LCK: variants seen among roughly 807,000 people sequenced by gnomAD.
LCK encodes the protein LCK proto-oncogene, Src family tyrosine kinase, also known as tyrosine-protein kinase Lck.
In LCK, 14 loss-of-function variants were observed where a neutral mutation model predicts 64.6. That is an observed-to-expected ratio of 0.22 (90% CI 0.14 to 0.34). LCK has a LOEUF of 0.34. Ranked by LOEUF, LCK falls within the 10% of genes least tolerant of loss-of-function variation. LCK has a pLI of 1.00. For missense variants in LCK, 434 were observed against 668.1 expected (o/e 0.65, Z 3.86); for synonymous variants, 277 against 263.6 (o/e 1.05, Z -0.49).
At chr1:32,269,221 G>A (rs1640012606) in intron 1 of LCK, 2 of 151,928 alleles carry the variant, frequency 1.3e-5, no homozygotes, top group African/African-American at 4.8e-5. Context: ...TGGATCACTT[G>A]AGGTCAGGAG....
rs1342297303 is a variant in LCK, at chr1:32,285,677, C to T, written c.1491C>T (p.Phe497=). 5 of 1,612,412 alleles carry T rather than the reference C, an allele frequency of 3.1e-6. No homozygotes were observed. The highest frequency in any genetic ancestry group is 3.4e-6 in the Non-Finnish European group (4 of 1,179,310). The change falls in exon 13 of 13, where the codon TTC becomes TTT. Residue 497 remains phenylalanine, a synonymous_variant. Coordinates refer to ENST00000336890, the MANE Select transcript of LCK (RefSeq NM_005356.5). ...FDYLRSVLED[F]FTATEGQYQP... ...ACCTGCGCAGTGTGCTGGAGGACTT[C>T]TTCACGGCCACAGAGGGCCAGTACC...
chr1:32,285,115 C>T (rs1640575666), intron 12 of LCK, among the ~76,000 whole-genome samples: 1 of 151,990 alleles, frequency 6.6e-6, no homozygotes. Flanking sequence ...CCAGCCTGAC[C>T]AACATGGAGA....
intron 1 of LCK, among the ~76,000 whole-genome samples, chr1:32,264,520 A>G (rs920485272): frequency 5.9e-5 from 9 of 151,864 alleles, no homozygotes; most frequent in Non-Finnish European, 1.2e-4. Context: ...TTTTGATATG[A>G]GTTTTGCATC....
chr1:32,275,052 G>A lies in LCK; in HGVS notation c.247G>A (p.Glu83Lys). Reference sequence around the variant, plus strand: ...CTCTCACGACGGAGATCTGGGCTTTGAGAAGGGGGAACAGCTCCGCATCCT... The same window carrying A: ...CTCTCACGACGGAGATCTGGGCTTTAAGAAGGGGGAACAGCTCCGCATCCT... ...EPSHDGDLGF[E>K]KGEQLRILEQ... Residue 83 changes from glutamate (E) to lysine (K), a missense_variant, in exon 4 of 13, where the codon GAG (glutamate) becomes AAG (lysine). Glu to Lys is a moderately conservative substitution (Grantham distance 56, BLOSUM62 1). Transcript: ENST00000336890. This position sits in a 1 kb window ranked among gnomAD's most constrained non-coding sequence, Gnocchi z 6.9. The A allele has an allele frequency of 6.2e-7, 1 of 1,613,986 alleles. No individual in the cohort carries two copies. The highest frequency in any genetic ancestry group is 8.5e-7 in the Non-Finnish European group (1 of 1,179,896).
chr1:32,276,806 G>C lies in LCK; in HGVS notation c.964+20G>C. 1 of 1,569,194 alleles carries C rather than the reference G, an allele frequency of 6.4e-7. No homozygotes were observed. Among genetic ancestry groups the C allele is most frequent in the Non-Finnish European group, 8.7e-7 (1 of 1,152,318 alleles). On this transcript the variant is annotated intron_variant, in intron 9 of 12. Transcript: ENST00000336890. The surrounding 1 kb of genome is among the most constrained non-coding windows in gnomAD (Gnocchi z 4.6). ...AGAATGGTGGGTGCTACCCGAGTCG[G>C]CTACCAGGGGATACTGCTCTCCCTG...
At position 32,276,947 on chromosome 1, in the gene LCK, T is replaced by C; in HGVS notation, c.964+161T>C. ...CTCACCTCCAGCCGGGCGCGGTGGC[T>C]CAGGCCTGTAATCCCAGCACTTTGG... On this transcript the variant is annotated intron_variant, in intron 9 of 12. Coordinates refer to ENST00000336890, the MANE Select transcript of LCK (RefSeq NM_005356.5). The surrounding 1 kb of genome is among the most constrained non-coding windows in gnomAD (Gnocchi z 4.6). The C allele has an allele frequency of 1.4e-6, 1 of 690,618 alleles. No individual in the cohort carries two copies. The highest frequency in any genetic ancestry group is 2.3e-5 in the South Asian group (1 of 43,112). 42.8% of individuals were successfully genotyped at this position (690,618 alleles called of 1,614,324 possible). A position where few individuals can be genotyped will look rare whatever the true frequency, so the allele number is the denominator to read the frequency against.
intron 1 of LCK, among the ~76,000 whole-genome samples, chr1:32,261,719 C>G (rs555696203): frequency 9.4e-5 from 14 of 149,516 alleles, no homozygotes; most frequent in Non-Finnish European, 2.1e-4. Context: ...CTTTGGAGGC[C>G]GAGGTGGGCA....
rs1640192230 is a variant in LCK at position 32,274,433 on chromosome 1, C to T, written c.104C>T (p.Thr35Met). The T allele has an allele frequency of 6.2e-7, 1 of 1,608,236 alleles. No homozygotes were observed. Among genetic ancestry groups the T allele is most frequent in the Admixed American group, 1.7e-5 (1 of 59,608 alleles). Residue 35 changes from threonine (T) to methionine (M), a missense_variant and splice_region_variant, in exon 2 of 13, where the codon ACG becomes ATG. Thr to Met is a moderately conservative substitution (Grantham distance 81). Coordinates refer to ENST00000336890, the MANE Select transcript of LCK (RefSeq NM_005356.5). ...YPIVPLDGKG[T>M]LLIRNGSEVR... The stretch of plus-strand genomic sequence containing the variant: ...ATAGTCCCACTGGATGGCAAGGGCA[C>T]GGTAAGAGGCGAGACAGGGGCCTTG...
In LCK at chr1:32,254,995, TA is replaced by T. The variant is rs568166200; in HGVS notation, c.-6+3634del. On this transcript the variant is annotated intron_variant, in intron 1 of 12. Coordinates refer to ENST00000336890, the MANE Select transcript of LCK (RefSeq NM_005356.5). ...CAGACCCCATCTCTATTTAATTATT[TA>T]AAAAAAAAATAAAATTTAAAACTCA... 3.2e-3 allele frequency among the ~76,000 whole-genome samples: 488 copies of T among 150,250 alleles called. 3 individuals carry two copies. Among genetic ancestry groups the T allele is most frequent in the South Asian group, 0.019 (90 of 4,740 alleles).
At position 32,275,728 on chromosome 1, in the gene LCK, G is replaced by C. The variant is rs3738004; in HGVS notation, c.481+56G>C. On this transcript the variant is annotated intron_variant, in intron 6 of 12. Coordinates refer to ENST00000336890, the MANE Select transcript of LCK (RefSeq NM_005356.5). The surrounding 1 kb of genome is among the most constrained non-coding windows in gnomAD (Gnocchi z 6.9). ...GGGGTGCCCCGGGGTGTGCCCGAGG[G>C]GGGGCGCAGGGTGAGCCCGAGGTGG... 5.0e-5 allele frequency: 74 copies of C among 1,480,150 alleles called. No homozygotes were observed. Among genetic ancestry groups the C allele is most frequent in the African/African-American group, 7.0e-5 (5 of 71,932 alleles). 91.7% of individuals were successfully genotyped at this position (1,480,150 alleles called of 1,614,324 possible).
In LCK at chr1:32,274,733, A is replaced by ATTT. The variant is rs1284870814; in HGVS notation, c.106-4_106-3insTTT. 7 of 1,577,194 alleles carry ATTT rather than the reference A, an allele frequency of 4.4e-6. No homozygotes were observed. On this transcript the variant is annotated splice_polypyrimidine_tract_variant and splice_region_variant and intron_variant, in intron 2 of 12. Coordinates refer to ENST00000336890, the MANE Select transcript of LCK (RefSeq NM_005356.5). ...TGACCCCACCCTCATCCCCCACTCCACAGCTGCTCATCCGAAATGGCTCTG... is the reference window on the plus strand; with the variant it reads ...TGACCCCACCCTCATCCCCCACTCCATTTCAGCTGCTCATCCGAAATGGCTCTG...
intron 9 of LCK, among the ~76,000 whole-genome samples, chr1:32,277,956 A>C (rs1640332967): frequency 6.6e-6 from 1 of 152,184 alleles, no homozygotes; most frequent in African/African-American, 2.4e-5. Context: ...TGGGTGGATC[A>C]CTTGAGCCCA....
chr1:32,285,512 A>T lies in LCK; in HGVS notation c.1328-2A>T. ...GATGTCCTTTCACCCATCAACCCGT[A>T]GGGATGACCAACCCGGAGGTGATTC... On this transcript the variant is annotated splice_acceptor_variant, in intron 12 of 12. Transcript: ENST00000336890. LOFTEE classifies it high-confidence loss of function. The T allele has an allele frequency of 3.1e-6, 5 of 1,613,958 alleles. No homozygotes were observed. The highest frequency in any genetic ancestry group is 3.4e-6 in the Non-Finnish European group (4 of 1,179,830).
chr1:32,275,427 G>A lies in LCK; in HGVS notation c.377+8G>A. ...CAGCCTGGAGCCCGAACCGTAAGTG[G>A]GGACCCGTCGTGGGGGTGGGTAGGA... On this transcript the variant is annotated splice_region_variant and intron_variant, in intron 5 of 12. Transcript: ENST00000336890. This position sits in a 1 kb window ranked among gnomAD's most constrained non-coding sequence, Gnocchi z 6.9. 6.2e-7 allele frequency: 1 copy of A among 1,613,832 alleles called. No homozygotes were observed. The highest frequency in any genetic ancestry group is 8.5e-7 in the Non-Finnish European group (1 of 1,179,778).
intron 1 of LCK, among the ~76,000 whole-genome samples, chr1:32,271,401 G>A (rs1224869796): frequency 6.6e-6 from 1 of 152,168 alleles, no homozygotes; most frequent in East Asian, 1.9e-4. Context: ...GTTTAGCCAG[G>A]TATGGCAGCT....
At chr1:32,280,416 C>CTTTTCTTTTTCTCTTT (rs1557588945) in intron 12 of LCK, among the ~76,000 whole-genome samples, 1 of 127,080 alleles carries the variant, frequency 7.9e-6, no homozygotes, top group African/African-American at 2.9e-5. Flanking sequence ...AACCCCAGCT[C>CTTTTCTTTTTCTCTTT]TTTTCTTTTT....
At chr1:32,279,072 G>A (rs563912488) in intron 9 of LCK, among the ~76,000 whole-genome samples, 3 of 152,144 alleles carry the variant, frequency 2.0e-5, no homozygotes, top group Non-Finnish European at 4.4e-5. Flanking sequence ...ATGAAACAAG[G>A]TTCCTGTTGT....
intron 1 of LCK, among the ~76,000 whole-genome samples, chr1:32,262,064 A>G (rs1034249582): frequency 6.8e-6 from 1 of 146,746 alleles, no homozygotes; most frequent in Non-Finnish European, 1.5e-5. Context: ...TTGTATTTTT[A>G]GTAGAGATGG....
chr1:32,284,742 G>GTTAT (rs1448898948), intron 12 of LCK, among the ~76,000 whole-genome samples: 1 of 152,170 alleles, frequency 6.6e-6, no homozygotes, highest in Non-Finnish European at 1.5e-5. Flanking sequence ...GGTAGGAACA[G>GTTAT]TTATTTACTC....
Sources: gnomAD v4.1 joint callset for allele counts (sites outside exome capture counted in the v4.1 genomes callset) on GRCh38, gnomAD v4.1.1 for gene constraint, Gnocchi (gnomAD v3.1) non-coding constraint, MANE v1.5 for transcripts, NCBI Gene and HGNC (gene_info 2026-07-23, HGNC 2026-07-21) for gene names.